Variants in HPGDS observed in about 807,000 individuals in gnomAD.
HPGDS encodes GST class-sigma.
Under a neutral mutation model 23.1 loss-of-function variants are expected in HPGDS, and 26 were observed. That is an observed-to-expected ratio of 1.13 (90% confidence interval 0.83 to 1.56). The LOEUF is 1.56. Among genes scored for constraint, HPGDS ranks in the 40% most tolerant of loss-of-function variants. The pLI is 0.00. For synonymous variants in HPGDS, 95 were observed against 77.9 expected (o/e 1.22, Z -1.16); for missense variants, 268 against 236.4 (o/e 1.13, Z -0.88).
chr4:94,309,228 G>A (rs538089077), intron 3 of HPGDS, among the ~76,000 whole-genome samples: 126 of 150,428 alleles, frequency 8.4e-4, no homozygotes, highest in African/African-American at 2.8e-3. Context: ...CCATTAACTC[G>A]TCATTTACAT....
At chr4:94,327,396 A>G (rs1756653199) in intron 2 of HPGDS, among the ~76,000 whole-genome samples, 1 of 152,118 alleles carries the variant, frequency 6.6e-6, no homozygotes, top group Non-Finnish European at 1.5e-5. Flanking sequence ...GGCAGCAGGC[A>G]GGGCACGTTG....
chr4:94,334,454 C>A (rs1756787681), intron 2 of HPGDS, 43 bp downstream of exon 2: 2 of 1,509,102 alleles, frequency 1.3e-6, no homozygotes, highest in Non-Finnish European at 1.8e-6. Flanking sequence ...ACAAAAGGTT[C>A]TGAAAGCATA....
At chr4:94,338,038 CT>C (rs1362650212) in intron 1 of HPGDS, among the ~76,000 whole-genome samples, 1 of 152,202 alleles carries the variant, frequency 6.6e-6, no homozygotes, top group African/African-American at 2.4e-5. Context: ...CATGACATTT[CT>C]GTAGTTATTT....
intron 1 of HPGDS, among the ~76,000 whole-genome samples, chr4:94,341,106 G>T (rs1721162456): frequency 1.3e-5 from 2 of 151,952 alleles, no homozygotes; most frequent in South Asian, 4.2e-4. Flanking sequence ...CAAAATGTTG[G>T]GATTACAGGC....
At chr4:94,312,994 A>G (rs879316759) in intron 3 of HPGDS, among the ~76,000 whole-genome samples, 4 of 151,834 alleles carry the variant, frequency 2.6e-5, no homozygotes, top group South Asian at 2.1e-4. Context: ...TGCTTGGTAG[A>G]TCTTCCTCCA....
chr4:94,313,429 T>C (rs1054789019), intron 3 of HPGDS, among the ~76,000 whole-genome samples: 1 of 152,254 alleles, frequency 6.6e-6, no homozygotes, highest in African/African-American at 2.4e-5. Flanking sequence ...AATTCTGGGT[T>C]GAAAATTCTT....
At position 94,299,522 on chromosome 4, in the gene HPGDS, G is replaced by C; in HGVS notation, c.558C>G (p.Ala186=). 8.1e-6 allele frequency: 13 copies of C among 1,613,592 alleles called. No homozygotes were observed. Among genetic ancestry groups the C allele is most frequent in the Non-Finnish European group, 1.0e-5 (12 of 1,179,846 alleles). Residue 186 remains alanine, a synonymous_variant, in exon 6 of 6, where the codon GCC becomes GCG. Coordinates refer to ENST00000295256, the MANE Select transcript of HPGDS (RefSeq NM_014485.3). The part of the protein sequence containing the change: ...TLRKKVQAIP[A]VANWIKRRPQ... Reference sequence around the variant, plus strand: ...GCCTTCGTTTTATCCAGTTAGCGACGGCAGGAATGGCTTGGACTTTCTTCC... The same window carrying C: ...GCCTTCGTTTTATCCAGTTAGCGACCGCAGGAATGGCTTGGACTTTCTTCC...
chr4:94,319,004 C>T (rs1471035520), intron 2 of HPGDS, among the ~76,000 whole-genome samples: 5 of 152,154 alleles, frequency 3.3e-5, no homozygotes, highest in South Asian at 2.1e-4. Context: ...TGAGCAACCA[C>T]GCCTGGCCTA....
intron 3 of HPGDS, among the ~76,000 whole-genome samples, chr4:94,317,588 A>G (rs372195733): frequency 2.8e-4 from 43 of 152,326 alleles, no homozygotes; most frequent in African/African-American, 9.6e-4. Flanking sequence ...GTTTGGAATG[A>G]AACATCCCTG....
At chr4:94,312,112 G>T (rs1756287150) in intron 3 of HPGDS, among the ~76,000 whole-genome samples, 1 of 151,942 alleles carries the variant, frequency 6.6e-6, no homozygotes, top group Non-Finnish European at 1.5e-5. Flanking sequence ...TTGATTTTTT[G>T]AAGGGTTTTT....
At chr4:94,323,261 T>C (rs903545282) in intron 2 of HPGDS, among the ~76,000 whole-genome samples, 3 of 152,226 alleles carry the variant, frequency 2.0e-5, no homozygotes, top group Non-Finnish European at 4.4e-5. Flanking sequence ...TGGAGAGTTC[T>C]GTAGTTGTCT....
chr4:94,299,380 G>C lies in HPGDS; in HGVS notation c.*100C>G, dbSNP rs1052369649. ...TAAAGTGAAAATCTTAGTGGAGCTG[G>C]GGAGGGAGCATGTGGATTATCTGGC... On this transcript the variant is annotated 3_prime_UTR_variant, in exon 6 of 6. Transcript: ENST00000295256. The C allele has an allele frequency of 3.0e-6, 3 of 984,174 alleles. No individual in the cohort carries two copies. The highest frequency in any genetic ancestry group is 3.3e-5 in the African/African-American group (2 of 61,368). The allele number at this position is 984,174 out of a possible 1,614,324, so 61.0% of individuals were successfully genotyped here.
At chr4:94,339,673 C>G (rs1302296870) in intron 1 of HPGDS, among the ~76,000 whole-genome samples, 1 of 151,836 alleles carries the variant, frequency 6.6e-6, no homozygotes, top group Non-Finnish European at 1.5e-5. Context: ...TTGGGTACTT[C>G]CTTTCTTTCT....
At chr4:94,312,500 G>C (rs1266636512) in intron 3 of HPGDS, among the ~76,000 whole-genome samples, 1 of 152,222 alleles carries the variant, frequency 6.6e-6, no homozygotes, top group Admixed American at 6.5e-5. Context: ...TGTGGTCTGA[G>C]AGACAGTTTG....
At chr4:94,314,764 C>T (rs1756360031) in intron 3 of HPGDS, among the ~76,000 whole-genome samples, 1 of 152,198 alleles carries the variant, frequency 6.6e-6, no homozygotes, top group African/African-American at 2.4e-5. Context: ...AGGCAGGCCT[C>T]CTTGAGCTGT....
Position 94,316,224 on chromosome 4 carries a change from C to T in HPGDS, c.226+1649G>A, listed in dbSNP as rs554656602. ...ATTTTGAACAGAAAAGAGAAAGAGACGAAAGAGAAGAGGAGAAGGAGGAAG... is the reference window on the plus strand; with the variant it reads ...ATTTTGAACAGAAAAGAGAAAGAGATGAAAGAGAAGAGGAGAAGGAGGAAG... On this transcript the variant is annotated intron_variant, in intron 3 of 5. Coordinates refer to ENST00000295256, the MANE Select transcript of HPGDS (RefSeq NM_014485.3). Among the ~76,000 whole-genome samples, 8 of 151,866 alleles carry T rather than the reference C, an allele frequency of 5.3e-5. No individual in the cohort carries two copies. In the South Asian group the frequency reaches 1.0e-3, roughly 20 times the overall value.
intron 5 of HPGDS, 25 bp downstream of exon 5, chr4:94,302,121 T>A (rs1756052472): frequency 1.3e-6 from 2 of 1,534,866 alleles, no homozygotes; most frequent in Admixed American, 1.7e-5. Context: ...TTGCTTGAAT[T>A]TTTTAAGATA....
At chr4:94,316,841 C>G (rs575465167) in intron 3 of HPGDS, among the ~76,000 whole-genome samples, 20 of 152,322 alleles carry the variant, frequency 1.3e-4, no homozygotes, top group African/African-American at 4.6e-4. Context: ...CCAGGTGACC[C>G]TGATGCACAT....
chr4:94,329,733 G>T (rs564713381), intron 2 of HPGDS, among the ~76,000 whole-genome samples: 5 of 152,292 alleles, frequency 3.3e-5, no homozygotes, highest in South Asian at 4.1e-4. Context: ...TGGGATAACT[G>T]CCCACAACTG....
Sources: gnomAD v4.1 joint callset for allele counts (sites outside exome capture counted in the v4.1 genomes callset) on GRCh38, gnomAD v4.1.1 for gene constraint, MANE v1.5 for transcripts, NCBI Gene and HGNC (gene_info 2026-07-23, HGNC 2026-07-21) for gene names.